Variants in EGF observed in about 807,000 individuals in gnomAD.
The protein encoded by EGF is pro-epidermal growth factor.
EGF carries 95 observed loss-of-function variants against 143.8 expected under a neutral mutation model. The ratio of observed to expected loss-of-function variants is 0.66; its 90% confidence interval spans 0.56 to 0.78. The LOEUF (loss-of-function observed/expected upper bound fraction) is 0.78. Ranked by LOEUF, EGF falls within the 30% of genes least tolerant of loss-of-function variation. The pLI, the probability that EGF is intolerant of heterozygous loss-of-function variation, is 0.00. For synonymous variants in EGF, 510 were observed against 510.5 expected (o/e 1.00, Z 0.01); for missense variants, 1,320 against 1,470.9 (o/e 0.90, Z 1.68).
intron 5 of EGF, among the ~76,000 whole-genome samples, chr4:109,958,917 C>CAAA (rs57909689): frequency 8.1e-5 from 8 of 98,538 alleles, no homozygotes; most frequent in African/African-American, 1.1e-4. Flanking sequence ...GACCCTGTCT[C>CAAA]AAAAAAAAAA....
In EGF at chr4:110,011,305, C is replaced by A. The variant is rs1023018041; in HGVS notation, c.3474C>A (p.Pro1158=). 6.2e-7 allele frequency: 1 copy of A among 1,613,984 alleles called. No homozygotes were observed. Among genetic ancestry groups the A allele is most frequent in the African/African-American group, 1.3e-5 (1 of 74,892 alleles). Reference sequence around the variant, plus strand: ...TATCCAGTGATAAGGGCTCCTGTCCCCAGGTAATGGAGCGAAGCTTTCATA... The same window carrying A: ...TATCCAGTGATAAGGGCTCCTGTCCACAGGTAATGGAGCGAAGCTTTCATA... ...IPVSSDKGSC[P]QVMERSFHMP... Residue 1158 remains proline (P), a synonymous_variant, in exon 24 of 24, where the codon CCC becomes CCA. Transcript: ENST00000265171.
intron 22 of EGF, among the ~76,000 whole-genome samples, chr4:110,006,703 T>C (rs1753348527): frequency 6.6e-6 from 1 of 152,194 alleles, no homozygotes; most frequent in Admixed American, 6.5e-5. Flanking sequence ...ACACAATCTG[T>C]GTATGACTAT....
chr4:109,953,858 T>C (rs1744341765), intron 5 of EGF, among the ~76,000 whole-genome samples: 1 of 152,178 alleles, frequency 6.6e-6, no homozygotes, highest in Admixed American at 6.5e-5. Context: ...GTGGTGACAA[T>C]GGTAGTGGAG....
chr4:109,972,285 A>G (rs1003646858), intron 11 of EGF, among the ~76,000 whole-genome samples: 4 of 152,196 alleles, frequency 2.6e-5, no homozygotes, highest in South Asian at 2.1e-4. Flanking sequence ...AGCTGAATCA[A>G]ATAGAAGTAT....
At chr4:109,996,060 G>A (rs1374685167) in intron 20 of EGF, among the ~76,000 whole-genome samples, 1 of 152,078 alleles carries the variant, frequency 6.6e-6, no homozygotes, top group African/African-American at 2.4e-5. Context: ...AATTGGTTTT[G>A]CCTGTTCATT....
At position 110,013,496 on chromosome 4, in the gene EGF, G is replaced by C. The variant is rs11569155; in HGVS notation, c.*2041G>C. On this transcript the variant is annotated 3_prime_UTR_variant, in exon 24 of 24. Coordinates refer to ENST00000265171, the MANE Select transcript of EGF (RefSeq NM_001963.6). ...CACTTTGTGTTTTTTAATCACCAAG[G>C]CACCCTGCAGAGATATCTTCTTCTT... 0.03 allele frequency among the ~76,000 whole-genome samples: 4,582 copies of C among 152,022 alleles called. 241 individuals are homozygous for C. The highest frequency in any genetic ancestry group is 0.11 in the African/African-American group (4,371 of 41,456).
intron 22 of EGF, among the ~76,000 whole-genome samples, chr4:110,006,060 G>C (rs1753241797): frequency 6.6e-6 from 1 of 152,032 alleles, no homozygotes; most frequent in South Asian, 2.1e-4. Flanking sequence ...AAAAATAGAG[G>C]CTGGGCAAGT....
chr4:109,978,940 T>G (rs1012295775), intron 13 of EGF, among the ~76,000 whole-genome samples: 1 of 152,354 alleles, frequency 6.6e-6, no homozygotes, highest in South Asian at 2.1e-4. Context: ...GTCAAATCCA[T>G]TGTTCGTTTA....
chr4:109,921,967 G>A (rs1217798441), intron 1 of EGF, among the ~76,000 whole-genome samples: 2 of 151,386 alleles, frequency 1.3e-5, no homozygotes, highest in Non-Finnish European at 2.9e-5. Flanking sequence ...CTTCCCTTAC[G>A]AGGTTTAAAA....
intron 5 of EGF, among the ~76,000 whole-genome samples, chr4:109,958,539 G>A (rs1745156038): frequency 6.6e-6 from 1 of 152,142 alleles, no homozygotes; most frequent in Admixed American, 6.5e-5. Context: ...CAGAGATATG[G>A]CAATGGTATA....
At chr4:109,985,773 C>A (rs1195477537) in intron 16 of EGF, among the ~76,000 whole-genome samples, 3 of 152,142 alleles carry the variant, frequency 2.0e-5, no homozygotes, top group Non-Finnish European at 4.4e-5. Flanking sequence ...AATAGCAGAG[C>A]CCTATTCTTC....
intron 12 of EGF, among the ~76,000 whole-genome samples, chr4:109,975,202 CAG>C (rs1224019370): frequency 1.3e-5 from 2 of 152,030 alleles, no homozygotes; most frequent in Non-Finnish European, 2.9e-5. Context: ...TGACAGAAAA[CAG>C]AAACTGTGAA....
chr4:109,964,672 A>G, intron 10 of EGF, 135 bp downstream of exon 10: 1 of 1,299,764 alleles, frequency 7.7e-7, no homozygotes, highest in Admixed American at 2.1e-5. Flanking sequence ...CAAGTTAAAT[A>G]TAGATATTGG....
chr4:109,947,153 T>C (rs1743003368), intron 5 of EGF, among the ~76,000 whole-genome samples: 1 of 144,962 alleles, frequency 6.9e-6, no homozygotes. Flanking sequence ...TGTTAGGTTT[T>C]TATGAAATAC....
intron 22 of EGF, among the ~76,000 whole-genome samples, chr4:110,006,529 C>T (rs1356316644): frequency 6.6e-6 from 1 of 152,198 alleles, no homozygotes; most frequent in Non-Finnish European, 1.5e-5. Flanking sequence ...GTGTGTGATT[C>T]TAGGACTAAG....
At chr4:109,931,180 G>T (rs547531647) in intron 1 of EGF, among the ~76,000 whole-genome samples, 14 of 152,262 alleles carry the variant, frequency 9.2e-5, no homozygotes, top group Admixed American at 5.9e-4. Flanking sequence ...ATTTCCATTG[G>T]TAGAACAGAA....
At chr4:109,947,962 A>G (rs554063594) in intron 5 of EGF, among the ~76,000 whole-genome samples, 1 of 152,302 alleles carries the variant, frequency 6.6e-6, no homozygotes, top group South Asian at 2.1e-4. Context: ...ATGTGGGGGA[A>G]AATTTCCTAT....
intron 13 of EGF, chr4:109,977,683 C>T (rs1284943758): frequency 6.6e-6 from 1 of 151,850 alleles, no homozygotes; most frequent in African/African-American, 2.4e-5. Context: ...ACTAAAAATA[C>T]AAAAATTAGC....
At chr4:110,007,915 A>T (rs11569120) in intron 22 of EGF, among the ~76,000 whole-genome samples, 26 of 152,314 alleles carry the variant, frequency 1.7e-4, no homozygotes, top group Admixed American at 1.6e-3. Context: ...TAATTAGAAT[A>T]GATTCTTCAG....
Sources: gnomAD v4.1 joint callset for allele counts (sites outside exome capture counted in the v4.1 genomes callset) on GRCh38, gnomAD v4.1.1 for gene constraint, MANE v1.5 for transcripts, NCBI Gene and HGNC (gene_info 2026-07-23, HGNC 2026-07-21) for gene names.